Variants in BTRC observed in about 807,000 individuals in gnomAD.
BTRC encodes beta-transducin repeat containing E3 ubiquitin protein ligase.
A neutral mutation model predicts 85.5 loss-of-function variants in BTRC; 42 were observed. That is an observed-to-expected ratio of 0.49 (90% CI 0.38 to 0.64). The LOEUF (loss-of-function observed/expected upper bound fraction) is 0.64, where lower values mean the gene tolerates loss of function less well. Ranked by LOEUF, BTRC falls within the 30% of genes least tolerant of loss-of-function variation. The probability of loss-of-function intolerance (pLI) is 0.00; values close to 1 mark genes in which losing one functional copy is unlikely to be tolerated. For synonymous variants in BTRC, 255 were observed against 263.3 expected (o/e 0.97, Z 0.30); for missense variants, 594 against 743.5 (o/e 0.80, Z 2.34).
At chr10:101,421,144 A>T (rs1308269525) in intron 1 of BTRC, among the ~76,000 whole-genome samples, 1 of 151,814 alleles carries the variant, frequency 6.6e-6, no homozygotes, top group Non-Finnish European at 1.5e-5. Context: ...GTTGAAGTTA[A>T]TTCATTTTTC....
intron 1 of BTRC, among the ~76,000 whole-genome samples, chr10:101,378,083 A>T (rs764464842): frequency 1.1e-4 from 16 of 152,184 alleles, no homozygotes; most frequent in Non-Finnish European, 1.9e-4. Context: ...GCATAGATCA[A>T]TGGTATGATT....
intron 1 of BTRC, among the ~76,000 whole-genome samples, chr10:101,404,034 T>A (rs868627521): frequency 2.1e-5 from 2 of 94,682 alleles, no homozygotes; most frequent in African/African-American, 8.5e-5. Flanking sequence ...ATATATATTT[T>A]TTTTTTTTTT....
intron 1 of BTRC, among the ~76,000 whole-genome samples, chr10:101,373,972 A>C (rs1459548325): frequency 6.6e-6 from 1 of 152,122 alleles, no homozygotes; most frequent in African/African-American, 2.4e-5. Context: ...AAGTGATAGA[A>C]TATATGAGAC....
intron 1 of BTRC, among the ~76,000 whole-genome samples, chr10:101,360,624 G>A (rs1235603811): frequency 1.3e-5 from 2 of 152,040 alleles, no homozygotes; most frequent in Admixed American, 1.3e-4. Flanking sequence ...GACCGCCTCG[G>A]CCTCCCAAAG....
chr10:101,501,328 G>GT (rs1460193317), intron 4 of BTRC, among the ~76,000 whole-genome samples: 2 of 152,176 alleles, frequency 1.3e-5, no homozygotes, highest in Admixed American at 1.3e-4. Context: ...TAGACTCAAA[G>GT]TTTAAGAGCC....
At chr10:101,382,166 A>G (rs1942951820) in intron 1 of BTRC, among the ~76,000 whole-genome samples, 1 of 151,362 alleles carries the variant, frequency 6.6e-6, no homozygotes, top group African/African-American at 2.4e-5. Flanking sequence ...TATTTTTAGT[A>G]GAGATGGGGT....
chr10:101,489,792 A>C (rs1946082434), intron 4 of BTRC, among the ~76,000 whole-genome samples: 1 of 152,078 alleles, frequency 6.6e-6, no homozygotes, highest in African/African-American at 2.4e-5. Flanking sequence ...TTGTTAAAAG[A>C]TTTGTTTCTT....
chr10:101,486,845 A>T (rs1447764781), intron 4 of BTRC, among the ~76,000 whole-genome samples: 1 of 152,156 alleles, frequency 6.6e-6, no homozygotes, highest in East Asian at 1.9e-4. Context: ...TGAATATCAG[A>T]CCTTTCTGTG....
intron 1 of BTRC, among the ~76,000 whole-genome samples, chr10:101,398,195 A>G (rs1163792335): frequency 1.3e-5 from 2 of 152,250 alleles, no homozygotes; most frequent in Non-Finnish European, 2.9e-5. Context: ...AGTTTATATT[A>G]CAAATAAGGT....
chr10:101,363,177 A>G (rs902403822), intron 1 of BTRC, among the ~76,000 whole-genome samples: 3 of 152,200 alleles, frequency 2.0e-5, no homozygotes, highest in Non-Finnish European at 2.9e-5. Context: ...TAGATTCAGT[A>G]TTATTATTAT....
intron 1 of BTRC, among the ~76,000 whole-genome samples, chr10:101,368,772 A>T (rs1942549097): frequency 6.6e-6 from 1 of 151,938 alleles, no homozygotes; most frequent in Non-Finnish European, 1.5e-5. Flanking sequence ...TAATCCCAGC[A>T]CTTTGGGAGG....
intron 1 of BTRC, among the ~76,000 whole-genome samples, chr10:101,360,370 CTT>C (rs35794052): frequency 3.8e-4 from 34 of 89,920 alleles, no homozygotes; most frequent in African/African-American, 4.6e-4. Flanking sequence ...ATGGGATCTG[CTT>C]TTTTTTTTTT....
chr10:101,357,218 G>C lies in BTRC; in HGVS notation c.48+2990G>C, dbSNP rs953258521. ...AGCACTTTGGGAGGCTGAGGCGGGC[G>C]GAACACGAGGTCAGGAGATTGAGAC... On this transcript the variant is annotated intron_variant, in intron 1 of 14. Coordinates refer to ENST00000370187, the MANE Select transcript of BTRC (RefSeq NM_033637.4). Among the ~76,000 whole-genome samples, 9 of 151,856 alleles carry C rather than the reference G, an allele frequency of 5.9e-5. No homozygotes were observed. In the East Asian group the frequency reaches 1.7e-3, roughly 29 times the overall value.
Position 101,389,028 on chromosome 10 carries a change from T to C in BTRC, c.48+34800T>C, listed in dbSNP as rs1307868687. On this transcript the variant is annotated intron_variant, in intron 1 of 14. Coordinates refer to ENST00000370187, the MANE Select transcript of BTRC (RefSeq NM_033637.4). ...CTGATGATTTCTAATGGGCTAATAG[T>C]CTCTAACCCATCCTTTTACTGTGAC... Among the ~76,000 whole-genome samples the C allele has an allele frequency of 2.0e-5, 3 of 151,876 alleles. No homozygotes were observed. The East Asian group carries it at 5.8e-4, about 30-fold the overall frequency.
At chr10:101,469,703 CTAAT>C (rs1228168114) in intron 3 of BTRC, among the ~76,000 whole-genome samples, 1 of 152,162 alleles carries the variant, frequency 6.6e-6, no homozygotes, top group Non-Finnish European at 1.5e-5. Context: ...AACCACCACC[CTAAT>C]TAAACTATAG....
chr10:101,432,828 A>T (rs1160158500), intron 2 of BTRC, among the ~76,000 whole-genome samples: 1 of 152,204 alleles, frequency 6.6e-6, no homozygotes, highest in African/African-American at 2.4e-5. Context: ...CATGGATGGC[A>T]TTACTGCCTC....
At chr10:101,402,812 C>A (rs930679338) in intron 1 of BTRC, among the ~76,000 whole-genome samples, 16 of 152,176 alleles carry the variant, frequency 1.1e-4, no homozygotes, top group African/African-American at 3.9e-4. Context: ...GTTCATTTCA[C>A]CAGGGATTCC....
At chr10:101,367,018 T>TTATATTTA (rs1439762998) in intron 1 of BTRC, among the ~76,000 whole-genome samples, 1 of 64,826 alleles carries the variant, frequency 1.5e-5, no homozygotes, top group African/African-American at 5.3e-5. Flanking sequence ...ATATATATAT[T>TTATATTTA]TATATTTATA....
chr10:101,381,099 A>G (rs1192962728), intron 1 of BTRC, among the ~76,000 whole-genome samples: 1 of 151,280 alleles, frequency 6.6e-6, no homozygotes, highest in Admixed American at 6.6e-5. Context: ...ATTTTTACTT[A>G]TTCTCTGACC....
Sources: gnomAD v4.1 joint callset for allele counts (sites outside exome capture counted in the v4.1 genomes callset) on GRCh38, gnomAD v4.1.1 for gene constraint, MANE v1.5 for transcripts, NCBI Gene and HGNC (gene_info 2026-07-23, HGNC 2026-07-21) for gene names.